The following XKR9 variants were observed in gnomAD, a reference collection of about 807,000 sequenced individuals.
The protein encoded by XKR9 is XK related 9.
A neutral mutation model predicts 32.0 loss-of-function variants in XKR9; 32 were observed. That is an observed-to-expected ratio of 1.00 (90% CI 0.76 to 1.34). The LOEUF (loss-of-function observed/expected upper bound fraction) is 1.34, where lower values mean the gene tolerates loss of function less well. Ranked by LOEUF, XKR9 falls within the 40% of genes most tolerant of loss-of-function variation. XKR9 has a pLI of 0.00. For missense variants in XKR9, 546 were observed against 429.7 expected (o/e 1.27, Z -2.39); for synonymous variants, 168 against 143.4 (o/e 1.17, Z -1.22).
intron 4 of XKR9, among the ~76,000 whole-genome samples, chr8:70,709,222 G>C (rs1160573879): frequency 6.6e-6 from 1 of 151,992 alleles, no homozygotes; most frequent in East Asian, 1.9e-4. Flanking sequence ...CACAGAAAAG[G>C]CTTTTGATAA....
At chr8:70,819,860 A>G in the XKR9 span, among the ~76,000 whole-genome samples, 1 of 152,178 alleles carries the variant, frequency 6.6e-6, no homozygotes, top group Non-Finnish European at 1.5e-5. Flanking sequence ...ATTTGGACCA[A>G]AGATGAAAAG....
chr8:70,676,959 A>G (rs1818907886), intron 2 of XKR9, among the ~76,000 whole-genome samples: 1 of 152,170 alleles, frequency 6.6e-6, no homozygotes, highest in African/African-American at 2.4e-5. Flanking sequence ...CATATGGAAT[A>G]CTGAAGTATT....
At chr8:70,779,498 T>C (rs191327498) in intron 2 of XKR9, among the ~76,000 whole-genome samples, 2 of 152,318 alleles carry the variant, frequency 1.3e-5, no homozygotes, top group East Asian at 1.9e-4. Context: ...TCCCTCTTTT[T>C]CTATTGTTTG....
the XKR9 span, among the ~76,000 whole-genome samples, chr8:70,894,611 G>A: frequency 6.6e-6 from 1 of 152,148 alleles, no homozygotes; most frequent in African/African-American, 2.4e-5. Context: ...ATTTCCCTGG[G>A]ATGCAGGGCA....
chr8:70,924,553 A>G, the XKR9 span, among the ~76,000 whole-genome samples: 1 of 152,160 alleles, frequency 6.6e-6, no homozygotes, highest in Non-Finnish European at 1.5e-5. Context: ...CATTCCCCAA[A>G]CGTGCCGAAG....
chr8:70,768,822 G>A (rs1009027383), intron 2 of XKR9, among the ~76,000 whole-genome samples: 1 of 149,600 alleles, frequency 6.7e-6, no homozygotes, highest in African/African-American at 2.5e-5. Context: ...GCCTATATGT[G>A]TCTTTGCACA....
At chr8:70,822,414 G>A in the XKR9 span, among the ~76,000 whole-genome samples, 2 of 151,838 alleles carry the variant, frequency 1.3e-5, no homozygotes, top group African/African-American at 4.8e-5. Context: ...AATATATGTG[G>A]TTGTGAGTAA....
the XKR9 span, among the ~76,000 whole-genome samples, chr8:71,019,618 C>T: frequency 1.3e-5 from 2 of 152,140 alleles, no homozygotes; most frequent in Admixed American, 6.5e-5. Context: ...TTTGTTAAAT[C>T]TCTAAGGTTG....
chr8:70,867,703 T>G, the XKR9 span, among the ~76,000 whole-genome samples: 3 of 151,856 alleles, frequency 2.0e-5, 1 homozygote, highest in African/African-American at 7.2e-5. Context: ...CCACCCACCT[T>G]GGCCTTCCAG....
the XKR9 span, among the ~76,000 whole-genome samples, chr8:70,902,226 C>G: frequency 6.6e-6 from 1 of 152,164 alleles, no homozygotes; most frequent in Non-Finnish European, 1.5e-5. Flanking sequence ...GGCATTGAAT[C>G]TATAAATTAT....
chr8:70,908,413 C>T, the XKR9 span, among the ~76,000 whole-genome samples: 7 of 152,088 alleles, frequency 4.6e-5, no homozygotes, highest in African/African-American at 1.4e-4. Context: ...ACATTGACTA[C>T]ATAAGAAGCT....
At chr8:70,888,544 A>G in the XKR9 span, among the ~76,000 whole-genome samples, 3 of 151,934 alleles carry the variant, frequency 2.0e-5, no homozygotes, top group African/African-American at 7.2e-5. Flanking sequence ...CCAGACAAAA[A>G]TATTTTCCTT....
At chr8:70,983,668 C>G in the XKR9 span, among the ~76,000 whole-genome samples, 8 of 152,104 alleles carry the variant, frequency 5.3e-5, no homozygotes, top group Non-Finnish European at 8.8e-5. Context: ...GTAATCCCAG[C>G]TACTCAGGAG....
intron 4 of XKR9, among the ~76,000 whole-genome samples, chr8:70,728,018 T>C (rs1806532979): frequency 6.6e-6 from 1 of 152,190 alleles, no homozygotes; most frequent in South Asian, 2.1e-4. Context: ...TTGTTAGTCC[T>C]ACAAAGGCAG....
the XKR9 span, among the ~76,000 whole-genome samples, chr8:70,878,981 A>G: frequency 6.6e-6 from 1 of 152,232 alleles, no homozygotes; most frequent in Admixed American, 6.5e-5. Context: ...CAATCAAACT[A>G]GAACTCAGGA....
At chr8:71,012,943 G>T in the XKR9 span, among the ~76,000 whole-genome samples, 2 of 152,160 alleles carry the variant, frequency 1.3e-5, no homozygotes, top group African/African-American at 4.8e-5. Flanking sequence ...CTCTATTCCT[G>T]CCACTGACAC....
chr8:70,750,560 CT>C (rs1195214561), intron 2 of XKR9, among the ~76,000 whole-genome samples: 1 of 151,996 alleles, frequency 6.6e-6, no homozygotes, highest in Non-Finnish European at 1.5e-5. Context: ...GGTAAAATAA[CT>C]TTTTTTTCAT....
the XKR9 span, among the ~76,000 whole-genome samples, chr8:70,841,707 T>C: frequency 6.6e-6 from 1 of 152,202 alleles, no homozygotes; most frequent in African/African-American, 2.4e-5. Flanking sequence ...TTTCAAATGT[T>C]TCCCCATGAT....
chr8:70,775,943 G>T (rs1344348373), intron 2 of XKR9, among the ~76,000 whole-genome samples: 3 of 151,898 alleles, frequency 2.0e-5, no homozygotes, highest in Non-Finnish European at 4.4e-5. Flanking sequence ...ATGGGGTCTT[G>T]CCATCTTGCC....
Sources: allele counts gnomAD v4.1 joint callset (sites outside exome capture counted in the v4.1 genomes callset), GRCh38; gene constraint gnomAD v4.1.1; transcripts MANE v1.5; gene names NCBI Gene and HGNC (gene_info 2026-07-23, HGNC 2026-07-21).